HLCS: variants seen among roughly 807,000 people sequenced by gnomAD.
HLCS encodes the protein holocarboxylase synthetase, also known as biotin--protein ligase.
HLCS carries 53 observed loss-of-function variants against 75.0 expected under a neutral mutation model. That is an observed-to-expected ratio of 0.71 (90% CI 0.57 to 0.89). The LOEUF is 0.89. Ranked by LOEUF, HLCS falls within the 40% of genes least tolerant of loss-of-function variation. The pLI is 0.00. For missense variants in HLCS, 966 were observed against 1,074.0 expected, an observed-to-expected ratio of 0.90 and a Z score of 1.41; for synonymous variants, 431 against 428.6, an observed-to-expected ratio of 1.01 and a Z score of -0.07.
chr21:36,833,628 T>C (rs1042244947), intron 6 of HLCS, among the ~76,000 whole-genome samples: 6 of 149,660 alleles, frequency 4.0e-5, no homozygotes, highest in African/African-American at 1.5e-4. Context: ...ATTTGGACAC[T>C]GACTCTGTAT....
intron 1 of HLCS, among the ~76,000 whole-genome samples, chr21:36,989,353 C>T (rs1274303881): frequency 8.1e-6 from 1 of 123,124 alleles, no homozygotes; most frequent in African/African-American, 3.2e-5. Context: ...AGACGGAGTT[C>T]GCTCTTGTCG....
intron 6 of HLCS, among the ~76,000 whole-genome samples, chr21:36,773,273 C>T (rs1451694985): frequency 6.6e-6 from 1 of 152,204 alleles, no homozygotes; most frequent in Non-Finnish European, 1.5e-5. Flanking sequence ...AAAGAAAGGG[C>T]GGCCAAGTGC....
intron 8 of HLCS, 90 bp downstream of exon 8, chr21:36,764,922 C>A: frequency 7.0e-7 from 1 of 1,427,768 alleles, no homozygotes; most frequent in East Asian, 2.3e-5. Flanking sequence ...GTTCTACAGC[C>A]ACCAATTATG....
chr21:36,867,451 G>T (rs1038996227), intron 6 of HLCS, among the ~76,000 whole-genome samples: 1 of 152,176 alleles, frequency 6.6e-6, no homozygotes, highest in African/African-American at 2.4e-5. Flanking sequence ...CTTGGCAACA[G>T]AATTTTGGCT....
chr21:36,878,613 AG>A (rs1474464412), intron 6 of HLCS, among the ~76,000 whole-genome samples: 1 of 152,200 alleles, frequency 6.6e-6, no homozygotes, highest in Non-Finnish European at 1.5e-5. Flanking sequence ...GGAACAAAAA[AG>A]TAACTTGTCC....
chr21:36,959,704 G>C (rs1228174078), intron 2 of HLCS, among the ~76,000 whole-genome samples: 1 of 152,180 alleles, frequency 6.6e-6, no homozygotes, highest in African/African-American at 2.4e-5. Context: ...CAGAGGCTGG[G>C]ACTACCAGCT....
rs2089453159 is a variant in HLCS, at chr21:36,753,872, G to A, written c.*374C>T. 3.0e-6 allele frequency: 1 copy of A among 338,168 alleles called. No homozygotes were observed. The highest frequency in any genetic ancestry group is 4.6e-5 in the Admixed American group (1 of 21,814). The allele number at this position is 338,168 out of a possible 1,614,324, so 20.9% of individuals were successfully genotyped here. ...GGCCTGGGCGCAAGAGCATATTTTG[G>A]TTTGTTTTTTCATAGACTAGGGGTA... On this transcript the variant is annotated 3_prime_UTR_variant, in exon 11 of 11. Coordinates refer to ENST00000674895, the MANE Select transcript of HLCS (RefSeq NM_001352514.2). This position sits in a 1 kb window ranked among gnomAD's most constrained non-coding sequence, Gnocchi z 4.3.
intron 4 of HLCS, among the ~76,000 whole-genome samples, chr21:36,933,918 C>T (rs534038597): frequency 5.9e-5 from 9 of 152,272 alleles, no homozygotes; most frequent in African/African-American, 1.7e-4. Flanking sequence ...GCGCTACAAG[C>T]GGGCGGAGTT....
At chr21:36,775,686 T>C (rs1045745584) in intron 6 of HLCS, among the ~76,000 whole-genome samples, 3 of 56,270 alleles carry the variant, frequency 5.3e-5, no homozygotes, top group African/African-American at 2.3e-4. Flanking sequence ...TGTTCAGATC[T>C]CATAAATATG....
chr21:36,754,138 A>C lies in HLCS; in HGVS notation c.*108T>G. 2 of 1,155,428 alleles carry C rather than the reference A, an allele frequency of 1.7e-6. No homozygotes were observed. Among genetic ancestry groups the C allele is most frequent in the Non-Finnish European group, 1.3e-6 (1 of 795,852 alleles). The allele number at this position is 1,155,428 out of a possible 1,614,324, so 71.6% of individuals were successfully genotyped here. On this transcript the variant is annotated 3_prime_UTR_variant, in exon 11 of 11. Transcript: ENST00000674895. ...CAAACAGAAACACAGAAAAAGAACAAAGACTTAACAAATGAATTGGAGGAA... is the reference window on the plus strand; with the variant it reads ...CAAACAGAAACACAGAAAAAGAACACAGACTTAACAAATGAATTGGAGGAA...
intron 1 of HLCS, among the ~76,000 whole-genome samples, chr21:36,987,836 C>A (rs1323338422): frequency 6.6e-6 from 1 of 152,132 alleles, no homozygotes; most frequent in Non-Finnish European, 1.5e-5. Flanking sequence ...TTTAATCCTA[C>A]AATACACAGA....
intron 6 of HLCS, among the ~76,000 whole-genome samples, chr21:36,887,022 C>A (rs2064498366): frequency 6.6e-6 from 1 of 151,864 alleles, no homozygotes; most frequent in African/African-American, 2.4e-5. Context: ...CCCAGCTGCG[C>A]AGGAGGCTGG....
chr21:36,798,512 G>T (rs1490547095), intron 6 of HLCS, among the ~76,000 whole-genome samples: 1 of 152,134 alleles, frequency 6.6e-6, no homozygotes, highest in Non-Finnish European at 1.5e-5. Flanking sequence ...TCTTGGAAAG[G>T]CATCCATCTA....
chr21:36,947,060 A>C (rs778197284), intron 2 of HLCS, among the ~76,000 whole-genome samples: 3 of 152,162 alleles, frequency 2.0e-5, no homozygotes, highest in African/African-American at 4.8e-5. Flanking sequence ...CGGGAAGCTA[A>C]AGGCACCATT....
At chr21:36,930,172 A>G (rs2066572705) in intron 5 of HLCS, 79 bp downstream of exon 5, 2 of 1,281,766 alleles carry the variant, frequency 1.6e-6, no homozygotes, top group Non-Finnish European at 2.3e-6. Context: ...AACCAAAATA[A>G]AACAATTAAA....
intron 2 of HLCS, among the ~76,000 whole-genome samples, chr21:36,940,751 G>A (rs1232235382): frequency 6.6e-6 from 1 of 152,162 alleles, no homozygotes; most frequent in African/African-American, 2.4e-5. Context: ...ACTGGCATAA[G>A]CATAGACATA....
At chr21:36,945,847 G>A (rs558394684) in intron 2 of HLCS, among the ~76,000 whole-genome samples, 1 of 152,316 alleles carries the variant, frequency 6.6e-6, no homozygotes, top group Admixed American at 6.5e-5. Flanking sequence ...AAAGAGTCCA[G>A]GCAGTTTGTT....
intron 6 of HLCS, among the ~76,000 whole-genome samples, chr21:36,887,770 T>G (rs1415154904): frequency 6.6e-6 from 1 of 152,252 alleles, no homozygotes; most frequent in Non-Finnish European, 1.5e-5. Flanking sequence ...GCAATCAACT[T>G]CTTTAAAACC....
intron 6 of HLCS, among the ~76,000 whole-genome samples, chr21:36,863,440 A>T (rs1244040376): frequency 6.6e-6 from 1 of 152,170 alleles, no homozygotes; most frequent in Non-Finnish European, 1.5e-5. Context: ...GCAGGTGTTT[A>T]GTGAAACTAA....
Sources: allele counts gnomAD v4.1 joint callset (sites outside exome capture counted in the v4.1 genomes callset), GRCh38; gene constraint gnomAD v4.1.1; non-coding constraint Gnocchi (gnomAD v3.1); transcripts MANE v1.5; gene names NCBI Gene and HGNC (gene_info 2026-07-23, HGNC 2026-07-21).